ZNF385D: variants seen among roughly 807,000 people sequenced by gnomAD.
ZNF385D encodes zinc finger protein 385D.
Under a neutral mutation model 35.8 loss-of-function variants are expected in ZNF385D, and 15 were observed. The observed-to-expected ratio is 0.42, with a 90% CI of 0.28 to 0.64. The LOEUF (loss-of-function observed/expected upper bound fraction) is 0.64, where lower values mean the gene tolerates loss of function less well. Ranked by LOEUF, ZNF385D falls within the 30% of genes least tolerant of loss-of-function variation. The probability of loss-of-function intolerance (pLI) is 0.23; values close to 1 mark genes in which losing one functional copy is unlikely to be tolerated. For synonymous variants in ZNF385D, 212 were observed against 186.8 expected (o/e 1.13, Z -1.10); for missense variants, 474 against 494.6 (o/e 0.96, Z 0.39).
intron 1 of ZNF385D, among the ~76,000 whole-genome samples, chr3:21,737,783 T>A (rs986683462): frequency 6.6e-6 from 1 of 152,224 alleles, no homozygotes; most frequent in African/African-American, 2.4e-5. Flanking sequence ...GAAGGATCAC[T>A]GCACATGTGG....
intron 3 of ZNF385D, among the ~76,000 whole-genome samples, chr3:22,098,855 T>C (rs1324559826): frequency 6.6e-6 from 1 of 151,964 alleles, no homozygotes; most frequent in Non-Finnish European, 1.5e-5. Flanking sequence ...CAGGCGAATA[T>C]AGAAAATACA....
chr3:22,148,418 T>A (rs1397553707), intron 3 of ZNF385D, among the ~76,000 whole-genome samples: 1 of 152,220 alleles, frequency 6.6e-6, no homozygotes, highest in Non-Finnish European at 1.5e-5. Flanking sequence ...TCTATTAAAC[T>A]GTAGACCATA....
chr3:22,293,464 A>G (rs1352868), intron 2 of ZNF385D, among the ~76,000 whole-genome samples: 4,345 of 152,064 alleles, frequency 0.029, 206 homozygotes, highest in African/African-American at 0.098. Context: ...TAAGCCAATA[A>G]AAGAGTCCTC....
chr3:21,697,556 T>A (rs1272563542), intron 1 of ZNF385D, among the ~76,000 whole-genome samples: 1 of 152,088 alleles, frequency 6.6e-6, no homozygotes, highest in Non-Finnish European at 1.5e-5. Context: ...CTGGTCCATT[T>A]GTAACTAAGT....
At chr3:22,155,821 G>C (rs1323742467) in intron 3 of ZNF385D, among the ~76,000 whole-genome samples, 14 of 151,958 alleles carry the variant, frequency 9.2e-5, no homozygotes, top group Admixed American at 9.2e-4. Context: ...GTTAAAATAA[G>C]GATAGAAGAG....
At position 21,421,341 on chromosome 3, in the gene ZNF385D, G is replaced by A; in HGVS notation, c.1061C>T (p.Pro354Leu). 6.2e-7 allele frequency: 1 copy of A among 1,613,842 alleles called. No individual in the cohort carries two copies. The highest frequency in any genetic ancestry group is 8.5e-7 in the Non-Finnish European group (1 of 1,179,876). ...TGCTGGAGCAGTTCGAAGACTGAAGGGGGAACTCACTGCCACTGCTGCTGC... is the reference window on the plus strand; with the variant it reads ...TGCTGGAGCAGTTCGAAGACTGAAGAGGGAACTCACTGCCACTGCTGCTGC... ...AAAAAVAVSS[P>L]FSLRTAPAAT... The change falls in exon 8 of 8, where the codon CCC (proline) becomes CTC (leucine). Residue 354 changes from proline (P) to leucine (L), a missense_variant. By Grantham distance (98) the Pro-to-Leu change is moderately conservative. Transcript: ENST00000281523.
At chr3:21,696,887 A>C (rs1559527753) in intron 1 of ZNF385D, among the ~76,000 whole-genome samples, 1 of 152,250 alleles carries the variant, frequency 6.6e-6, no homozygotes, top group Non-Finnish European at 1.5e-5. Context: ...AAGGAACCTG[A>C]AGTTAGTATT....
chr3:22,168,901 C>T (rs764329441), exon 3 of ZNF385D: 49 of 985,680 alleles, frequency 5.0e-5, no homozygotes, highest in African/African-American at 1.2e-4. Context: ...TGTGCTTGAG[C>T]GGCTGAATTC....
intron 3 of ZNF385D, among the ~76,000 whole-genome samples, chr3:21,530,422 T>C (rs570852613): frequency 6.6e-6 from 1 of 152,268 alleles, no homozygotes; most frequent in East Asian, 1.9e-4. Context: ...GGGTCTTTGA[T>C]TTACTTACTA....
intron 3 of ZNF385D, among the ~76,000 whole-genome samples, chr3:22,039,658 CG>C (rs1698544893): frequency 6.6e-6 from 1 of 151,984 alleles, no homozygotes; most frequent in Admixed American, 6.6e-5. Flanking sequence ...AAGGAGAAAC[CG>C]TAGCTTCATG....
chr3:21,904,963 AAG>A (rs1469835817), intron 3 of ZNF385D, among the ~76,000 whole-genome samples: 2 of 152,068 alleles, frequency 1.3e-5, no homozygotes, highest in African/African-American at 4.8e-5. Flanking sequence ...AGAAAGAAAA[AAG>A]AATATTTTTG....
chr3:22,259,967 G>T (rs1198235592), intron 2 of ZNF385D, among the ~76,000 whole-genome samples: 1 of 151,894 alleles, frequency 6.6e-6, no homozygotes, highest in Non-Finnish European at 1.5e-5. Flanking sequence ...AAGAGAAAAG[G>T]ATTGTTAGGA....
At chr3:21,432,566 A>G (rs1701343811) in intron 5 of ZNF385D, among the ~76,000 whole-genome samples, 1 of 152,020 alleles carries the variant, frequency 6.6e-6, no homozygotes, top group Non-Finnish European at 1.5e-5. Flanking sequence ...TAAGCAGAGC[A>G]CTACCTACTA....
At chr3:21,910,977 AT>A (rs1433995670) in intron 3 of ZNF385D, among the ~76,000 whole-genome samples, 1 of 151,940 alleles carries the variant, frequency 6.6e-6, no homozygotes, top group Non-Finnish European at 1.5e-5. Flanking sequence ...ACTACATAGT[AT>A]TTTCTAAAAT....
intron 3 of ZNF385D, among the ~76,000 whole-genome samples, chr3:22,136,474 T>C (rs1000577606): frequency 2.9e-4 from 44 of 151,876 alleles, no homozygotes; most frequent in African/African-American, 8.2e-4. Context: ...TGACAAGTTA[T>C]AGATTGAGAG....
At chr3:21,567,318 C>T (rs1372097526) in intron 2 of ZNF385D, among the ~76,000 whole-genome samples, 1 of 152,116 alleles carries the variant, frequency 6.6e-6, no homozygotes, top group African/African-American at 2.4e-5. Context: ...GGACATAGTA[C>T]AGGATTCTTC....
intron 2 of ZNF385D, among the ~76,000 whole-genome samples, chr3:22,220,979 C>G (rs1576517829): frequency 1.3e-5 from 2 of 152,028 alleles, no homozygotes; most frequent in East Asian, 3.9e-4. Flanking sequence ...AGAAAGCAAT[C>G]TCTATAAACA....
At chr3:22,094,385 G>GAGATATATATATATATATATCTTTAT (rs1491256865) in intron 3 of ZNF385D, among the ~76,000 whole-genome samples, 1 of 70,828 alleles carries the variant, frequency 1.4e-5, no homozygotes, top group African/African-American at 4.3e-5. Context: ...ATTTATTGTT[G>GAGATATATATATATATATATCTTTAT]ATATATATAT....
intron 3 of ZNF385D, among the ~76,000 whole-genome samples, chr3:22,021,055 C>A (rs1697195034): frequency 6.6e-6 from 1 of 151,676 alleles, no homozygotes; most frequent in Non-Finnish European, 1.5e-5. Flanking sequence ...TAAGTGGGAG[C>A]TAAAAATGTA....
Sources: gnomAD v4.1 joint callset for allele counts (sites outside exome capture counted in the v4.1 genomes callset) on GRCh38, gnomAD v4.1.1 for gene constraint, MANE v1.5 for transcripts, NCBI Gene and HGNC (gene_info 2026-07-23, HGNC 2026-07-21) for gene names.